Variants in KLRG2 observed in about 807,000 individuals in gnomAD.
The protein encoded by KLRG2 is killer cell lectin like receptor G2, also known as killer cell lectin-like receptor subfamily G member 2.
KLRG2 carries 39 observed loss-of-function variants against 35.4 expected under a neutral mutation model. The ratio of observed to expected loss-of-function variants is 1.10; its 90% CI spans 0.85 to 1.44. The LOEUF is 1.44. Ranked by LOEUF, KLRG2 falls within the 40% of genes most tolerant of loss-of-function variation. The pLI, the probability that KLRG2 is intolerant of heterozygous loss-of-function variation, is 0.00. For synonymous variants in KLRG2, 283 were observed against 265.8 expected (o/e 1.06, Z -0.63); for missense variants, 632 against 570.9 (o/e 1.11, Z -1.09).
intron 3 of KLRG2, among the ~76,000 whole-genome samples, chr7:139,454,568 C>T (rs1229718244): frequency 6.6e-6 from 1 of 151,872 alleles, no homozygotes; most frequent in Non-Finnish European, 1.5e-5. Context: ...GTAATCCCAG[C>T]ACATTGGGAG....
the KLRG2 span, among the ~76,000 whole-genome samples, chr7:139,441,612 T>C: frequency 1.4e-5 from 2 of 145,170 alleles, no homozygotes. Flanking sequence ...ACTTAAAGTA[T>C]AAAAAAAAAA....
chr7:139,475,351 G>A (rs1029125890), intron 3 of KLRG2, among the ~76,000 whole-genome samples: 8 of 152,078 alleles, frequency 5.3e-5, no homozygotes, highest in Non-Finnish European at 1.2e-4. Flanking sequence ...CTAACATGGT[G>A]AAACCCCGTC....
At chr7:139,447,850 T>G (rs1796327298), downstream of KLRG2, among the ~76,000 whole-genome samples, 1 of 152,142 alleles carries the variant, frequency 6.6e-6, no homozygotes, top group Admixed American at 6.5e-5. Flanking sequence ...TGAAACCAGT[T>G]TTATCTAATG....
At chr7:139,446,831 C>G in the KLRG2 span, among the ~76,000 whole-genome samples, 1 of 152,064 alleles carries the variant, frequency 6.6e-6, no homozygotes, top group East Asian at 1.9e-4. Flanking sequence ...GCCTGCCTCC[C>G]TCTTATAAGG....
chr7:139,450,933 T>C (rs529377414), downstream of KLRG2, among the ~76,000 whole-genome samples: 7 of 152,284 alleles, frequency 4.6e-5, no homozygotes, highest in Middle Eastern at 3.4e-3. Context: ...TGTGGTCCTT[T>C]ATTTGGGAAT....
intron 1 of KLRG2, among the ~76,000 whole-genome samples, chr7:139,481,206 C>T (rs1477499035): frequency 6.6e-6 from 1 of 152,112 alleles, no homozygotes; most frequent in Non-Finnish European, 1.5e-5. Flanking sequence ...CCTAGACCCC[C>T]AGAAAGGAAT....
Position 139,483,491 on chromosome 7 carries a change from G to T in KLRG2, c.152C>A (p.Ala51Asp). 1.3e-6 allele frequency: 2 copies of T among 1,597,022 alleles called. No homozygotes were observed. The highest frequency in any genetic ancestry group is 1.7e-6 in the Non-Finnish European group (2 of 1,178,312). Reference sequence around the variant, plus strand: ...GCCCGCCGCCTTCTCCACGGCCCCGGCCGGACTTGGGCTGCTTTCGGGACC... The same window carrying T: ...GCCCGCCGCCTTCTCCACGGCCCCGTCCGGACTTGGGCTGCTTTCGGGACC... ...PEGPESSPSP[A>D]GAVEKAAGAG... is the part of the protein sequence containing the mutation. Residue 51 changes from alanine to aspartate, a missense_variant, in exon 1 of 5, where the codon GCC (alanine) becomes GAC (aspartate). Transcript: ENST00000340940.
intron 4 of KLRG2, 136 bp downstream of exon 4, chr7:139,453,975 C>T (rs1365593330): frequency 1.4e-6 from 1 of 693,416 alleles, no homozygotes; most frequent in Non-Finnish European, 2.5e-6. Flanking sequence ...TCTAATCAGG[C>T]ACCAGGCCGC....
At chr7:139,446,880 G>C in the KLRG2 span, among the ~76,000 whole-genome samples, 80 of 152,008 alleles carry the variant, frequency 5.3e-4, no homozygotes, top group Non-Finnish European at 1.0e-3. Flanking sequence ...GGTAACCCAG[G>C]CTCATCTCAT....
At chr7:139,468,580 C>A (rs111836260) in intron 3 of KLRG2, among the ~76,000 whole-genome samples, 1 of 152,180 alleles carries the variant, frequency 6.6e-6, no homozygotes, top group Non-Finnish European at 1.5e-5. Context: ...AGCCCGCCTG[C>A]ACCCAGGTGA....
the KLRG2 span, among the ~76,000 whole-genome samples, chr7:139,436,647 C>A: frequency 2.0e-5 from 3 of 152,226 alleles, no homozygotes; most frequent in Non-Finnish European, 4.4e-5. Context: ...CAGCCAGTCC[C>A]AAGCCCAGTT....
the KLRG2 span, among the ~76,000 whole-genome samples, chr7:139,441,670 G>A: frequency 1.3e-5 from 2 of 152,096 alleles, no homozygotes; most frequent in African/African-American, 4.8e-5. Context: ...TACTTGGGAG[G>A]CTGAGGCAGG....
chr7:139,445,781 G>GTGTATATATATATATATATA, the KLRG2 span, among the ~76,000 whole-genome samples: 93 of 98,458 alleles, frequency 9.4e-4, 5 homozygotes, highest in South Asian at 4.0e-3. Context: ...ATATATATAT[G>GTGTATATATATATATATATA]TATATATATA....
At chr7:139,429,161 C>A in the KLRG2 span, among the ~76,000 whole-genome samples, 1 of 152,058 alleles carries the variant, frequency 6.6e-6, no homozygotes, top group Non-Finnish European at 1.5e-5. Flanking sequence ...CAAAAATTAG[C>A]CAGACGTGGT....
intron 3 of KLRG2, 79 bp downstream of exon 3, chr7:139,479,548 C>A: frequency 7.1e-7 from 1 of 1,409,402 alleles, no homozygotes; most frequent in South Asian, 1.3e-5. Flanking sequence ...TGGACTCAAT[C>A]ATTAAGCTTC....
chr7:139,445,767 G>GTATATATATATATGTGTA, the KLRG2 span, among the ~76,000 whole-genome samples: 1 of 89,634 alleles, frequency 1.1e-5, no homozygotes, highest in African/African-American at 1.0e-4. Context: ...ATATGTGTAT[G>GTATATATATATATGTGTA]TATATATATA....
At chr7:139,455,472 C>T (rs913876373) in intron 3 of KLRG2, among the ~76,000 whole-genome samples, 6 of 152,064 alleles carry the variant, frequency 3.9e-5, no homozygotes, top group Non-Finnish European at 8.8e-5. Context: ...CAGGCACCCG[C>T]CACCATGCCT....
rs890258902 is a variant in KLRG2, at chr7:139,482,866, C to G, written c.757+20G>C. 2 of 1,383,856 alleles carry G rather than the reference C, an allele frequency of 1.4e-6. No individual in the cohort carries two copies. Among genetic ancestry groups the G allele is most frequent in the Admixed American group, 3.5e-5 (1 of 28,780 alleles). 85.7% of individuals were successfully genotyped at this position (1,383,856 alleles called of 1,614,324 possible). Reference sequence around the variant, plus strand: ...CACCCGACCTGGCGGCGTCGGCTGCCGGCGCAGGTGAGCACTCACCCGTAA... The same window carrying G: ...CACCCGACCTGGCGGCGTCGGCTGCGGGCGCAGGTGAGCACTCACCCGTAA... On this transcript the variant is annotated intron_variant, in intron 1 of 4. Coordinates refer to ENST00000340940, the MANE Select transcript of KLRG2 (RefSeq NM_198508.4).
At chr7:139,481,797 G>A (rs1196776030) in intron 1 of KLRG2, among the ~76,000 whole-genome samples, 2 of 152,124 alleles carry the variant, frequency 1.3e-5, no homozygotes, top group African/African-American at 2.4e-5. Flanking sequence ...GGTGGCCGGC[G>A]CCTGTAATCC....
Sources: allele counts gnomAD v4.1 joint callset (sites outside exome capture counted in the v4.1 genomes callset), GRCh38; gene constraint gnomAD v4.1.1; transcripts MANE v1.5; gene names NCBI Gene and HGNC (gene_info 2026-07-23, HGNC 2026-07-21).